Variants in PRKCE observed in about 807,000 individuals in gnomAD.
PRKCE encodes protein kinase C epsilon, also known as protein kinase C epsilon type.
PRKCE carries 16 observed loss-of-function variants against 85.4 expected under a neutral mutation model. The ratio of observed to expected loss-of-function variants is 0.19; its 90% CI spans 0.13 to 0.28. The LOEUF is 0.28. Among genes scored for constraint, PRKCE ranks in the 10% least tolerant of loss-of-function variants. PRKCE has a pLI of 1.00. For synonymous variants in PRKCE, 388 were observed against 371.5 expected, an observed-to-expected ratio of 1.04 and a Z score of -0.51; for missense variants, 573 against 975.2, an observed-to-expected ratio of 0.59 and a Z score of 5.49.
At chr2:46,046,757 C>G (rs995892263) in intron 10 of PRKCE, among the ~76,000 whole-genome samples, 1 of 152,088 alleles carries the variant, frequency 6.6e-6, no homozygotes, top group African/African-American at 2.4e-5. Flanking sequence ...GGGCAAGACC[C>G]CTTCAGGAAT....
chr2:46,054,078 T>G (rs1274338270), intron 10 of PRKCE, among the ~76,000 whole-genome samples: 1 of 152,228 alleles, frequency 6.6e-6, no homozygotes, highest in African/African-American at 2.4e-5. Flanking sequence ...TAGTTACTAT[T>G]GTCCTCATGT....
Position 45,986,812 on chromosome 2 carries a change from C to A in PRKCE, c.823+2132C>A, listed in dbSNP as rs912318827. ...CCCTGGAGGTGGGGGCGGAGCCATT[C>A]CACTTCCCCGTTGGAGTATTCTTTC... On this transcript the variant is annotated intron_variant, in intron 6 of 14. Transcript: ENST00000306156. Among the ~76,000 whole-genome samples, 20 of 152,080 alleles carry A rather than the reference C, an allele frequency of 1.3e-4. No individual in the cohort carries two copies. The East Asian group carries it at 1.5e-3, about 12-fold the overall frequency.
chr2:46,038,430 TTTAC>T lies in PRKCE; in HGVS notation c.1437+27918_1437+27921del, dbSNP rs1234076805. Among the ~76,000 whole-genome samples the T allele has an allele frequency of 7.2e-5, 11 of 152,172 alleles. No homozygotes were observed. In the East Asian group the frequency reaches 1.9e-3, roughly 27 times the overall value. On this transcript the variant is annotated intron_variant, in intron 10 of 14. Transcript: ENST00000306156. ...AAAAACTGTTTGTCCCTGCTGCATGTTTACTTACCCATGGGCAGGATATCTCACG... is the reference window on the plus strand; with the variant it reads ...AAAAACTGTTTGTCCCTGCTGCATGTTTACCCATGGGCAGGATATCTCACG...
rs917244720 is a variant in PRKCE at position 45,914,082 on chromosome 2, G to A, written c.413-62347G>A. Among the ~76,000 whole-genome samples the A allele has an allele frequency of 2.6e-5, 4 of 152,218 alleles. 1 individual carries two copies. Among genetic ancestry groups the A allele is most frequent in the Admixed American group, 1.3e-4 (2 of 15,280 alleles). ...GCTCTTAGCAGATACAGCTCTACAT[G>A]TGTAGCAAAGTGTGATTCACATTCT... is the stretch of plus-strand genomic sequence containing the variant. On this transcript the variant is annotated intron_variant, in intron 2 of 14. Transcript: ENST00000306156.
rs1396436702 is a variant in PRKCE at position 45,884,992 on chromosome 2, TATATATATA to T, written c.412+41930_412+41938del. 1.5e-3 allele frequency among the ~76,000 whole-genome samples: 108 copies of T among 71,838 alleles called. 5 individuals carry two copies. The highest frequency in any genetic ancestry group is 6.8e-3 in the Middle Eastern group (1 of 146). The allele number at this position is 71,838 out of a possible 152,430, so 47.1% of individuals were successfully genotyped here. A position where few individuals can be genotyped will look rare whatever the true frequency, so the allele number is the denominator to read the frequency against. On this transcript the variant is annotated intron_variant, in intron 2 of 14. Coordinates refer to ENST00000306156, the MANE Select transcript of PRKCE (RefSeq NM_005400.3). ...ATATATATATATATATATATATATATATATATATATTTGTTGTTGTTGTTGTTGTTTTAC... is the reference window on the plus strand; with the variant it reads ...ATATATATATATATATATATATATATTTTGTTGTTGTTGTTGTTGTTTTAC...
At chr2:46,070,262 T>C (rs926916158) in intron 10 of PRKCE, among the ~76,000 whole-genome samples, 2 of 152,094 alleles carry the variant, frequency 1.3e-5, no homozygotes, top group Non-Finnish European at 2.9e-5. Flanking sequence ...TCTATAAATA[T>C]AACCAGAGCA....
intron 2 of PRKCE, among the ~76,000 whole-genome samples, chr2:45,856,239 C>CT (rs1045922650): frequency 1.3e-5 from 2 of 150,894 alleles, no homozygotes; most frequent in Non-Finnish European, 3.0e-5. Context: ...GTTTCTTTTT[C>CT]TTTTTTTTTG....
chr2:46,003,724 T>C (rs1704913399), intron 7 of PRKCE, among the ~76,000 whole-genome samples: 1 of 152,226 alleles, frequency 6.6e-6, no homozygotes, highest in Admixed American at 6.5e-5. Flanking sequence ...GGGGACGTTA[T>C]GGAAGACATG....
chr2:46,170,991 A>T (rs1262976395), intron 14 of PRKCE, among the ~76,000 whole-genome samples: 1 of 152,180 alleles, frequency 6.6e-6, no homozygotes, highest in Non-Finnish European at 1.5e-5. Flanking sequence ...CAGCAATAAG[A>T]CGGCTTTAAA....
intron 1 of PRKCE, among the ~76,000 whole-genome samples, chr2:45,654,413 C>G (rs1332650373): frequency 6.6e-6 from 1 of 152,184 alleles, no homozygotes; most frequent in African/African-American, 2.4e-5. Context: ...AGTGCACAGG[C>G]AAGTTTTACA....
At chr2:46,166,081 A>C (rs777371032) in intron 14 of PRKCE, among the ~76,000 whole-genome samples, 1 of 152,158 alleles carries the variant, frequency 6.6e-6, no homozygotes, top group Non-Finnish European at 1.5e-5. Flanking sequence ...TCCGCGCTGC[A>C]TGGCGGGACC....
chr2:45,894,037 C>T (rs960980063), intron 2 of PRKCE, among the ~76,000 whole-genome samples: 4 of 152,090 alleles, frequency 2.6e-5, no homozygotes, highest in African/African-American at 9.7e-5. Flanking sequence ...GTGTAATGCC[C>T]CTGGGCATAG....
chr2:45,772,771 G>T (rs1685443896), intron 1 of PRKCE, among the ~76,000 whole-genome samples: 1 of 152,212 alleles, frequency 6.6e-6, no homozygotes, highest in African/African-American at 2.4e-5. Context: ...AAGGTGGTCA[G>T]GGAGTGTATC....
chr2:45,716,658 AG>A, intron 1 of PRKCE, among the ~76,000 whole-genome samples: 1 of 140,386 alleles, frequency 7.1e-6, no homozygotes, highest in Admixed American at 7.4e-5. Context: ...AAGAAGGAGA[AG>A]GAGAAGAAAA....
At chr2:45,911,725 G>C (rs1697394060) in intron 2 of PRKCE, among the ~76,000 whole-genome samples, 1 of 152,222 alleles carries the variant, frequency 6.6e-6, no homozygotes, top group Non-Finnish European at 1.5e-5. Flanking sequence ...AACGGTCACA[G>C]GTGACAAAGG....
chr2:46,090,104 G>C (rs1670020506), intron 11 of PRKCE, among the ~76,000 whole-genome samples: 1 of 152,136 alleles, frequency 6.6e-6, no homozygotes, highest in Non-Finnish European at 1.5e-5. Flanking sequence ...GATGGATGAT[G>C]GGCACTTGGA....
At chr2:45,787,693 C>T (rs1302575750) in intron 1 of PRKCE, among the ~76,000 whole-genome samples, 1 of 152,290 alleles carries the variant, frequency 6.6e-6, no homozygotes, top group East Asian at 1.9e-4. Flanking sequence ...TTGAAAACGA[C>T]AAGGCTTACC....
At chr2:45,844,500 G>A (rs1336661531) in intron 2 of PRKCE, among the ~76,000 whole-genome samples, 6 of 152,136 alleles carry the variant, frequency 3.9e-5, no homozygotes, top group African/African-American at 9.7e-5. Context: ...TGTGCCCACC[G>A]CCCCAATTAA....
intron 1 of PRKCE, among the ~76,000 whole-genome samples, chr2:45,677,427 G>T (rs1676556509): frequency 6.8e-6 from 1 of 147,448 alleles, no homozygotes; most frequent in South Asian, 2.2e-4. Context: ...CGCAATCTCA[G>T]CTCACTGCAA....
Sources: gnomAD v4.1 joint callset for allele counts (sites outside exome capture counted in the v4.1 genomes callset) on GRCh38, gnomAD v4.1.1 for gene constraint, MANE v1.5 for transcripts, NCBI Gene and HGNC (gene_info 2026-07-23, HGNC 2026-07-21) for gene names.